The following PRDM4 variants were observed in gnomAD, a reference collection of about 807,000 sequenced individuals.
PRDM4 encodes the protein PR/SET domain 4, also known as PR domain zinc finger protein 4.
In PRDM4, 38 loss-of-function variants were observed where a neutral mutation model predicts 62.3. That is an observed-to-expected ratio of 0.61 (90% confidence interval 0.47 to 0.80). PRDM4 has a LOEUF of 0.80. Among genes scored for constraint, PRDM4 ranks in the 30% least tolerant of loss-of-function variants. The pLI is 0.00. For missense variants in PRDM4, 858 were observed against 997.1 expected, an observed-to-expected ratio of 0.86 and a Z score of 1.88; for synonymous variants, 339 against 348.2, an observed-to-expected ratio of 0.97 and a Z score of 0.30.
intron 2 of PRDM4, among the ~76,000 whole-genome samples, 192 bp downstream of exon 2, chr12:107,760,313 T>C (rs892205460): frequency 1.3e-5 from 2 of 152,250 alleles, no homozygotes; most frequent in South Asian, 2.1e-4. Flanking sequence ...TGGGAACAAC[T>C]TTCCACATGT....
intron 11 of PRDM4, among the ~76,000 whole-genome samples, chr12:107,736,390 A>G (rs1405064823): frequency 6.6e-6 from 1 of 152,228 alleles, no homozygotes; most frequent in Non-Finnish European, 1.5e-5. Flanking sequence ...AATGGAGGGA[A>G]GAAGACATGC....
chr12:107,742,481 A>G lies in PRDM4; in HGVS notation c.1482-133T>C, dbSNP rs1029710644. On this transcript the variant is annotated intron_variant, in intron 8 of 11. Coordinates refer to ENST00000228437, the MANE Select transcript of PRDM4 (RefSeq NM_012406.4). Reference sequence around the variant, plus strand: ...ACTATTTCCTCTGGAATGTTTTTGTAATTTCCCGTCCTATCTATGAGAAGG... The same window carrying G: ...ACTATTTCCTCTGGAATGTTTTTGTGATTTCCCGTCCTATCTATGAGAAGG... 3.6e-5 allele frequency: 38 copies of G among 1,063,144 alleles called. 1 individual carries two copies. In the African/African-American group the frequency reaches 5.1e-4, roughly 14 times the overall value. 65.9% of individuals were successfully genotyped at this position (1,063,144 alleles called of 1,614,324 possible). A position where few individuals can be genotyped will look rare whatever the true frequency, so the allele number is the denominator to read the frequency against.
Position 107,734,652 on chromosome 12 carries a change from G to GAT in PRDM4, c.2094-132_2094-131dup, listed in dbSNP as rs1364904370. The GAT allele has an allele frequency of 5.4e-5, 44 of 819,358 alleles. No homozygotes were observed. In the East Asian group the frequency reaches 1.1e-3, roughly 20 times the overall value. 50.8% of individuals were successfully genotyped at this position (819,358 alleles called of 1,614,324 possible). ...TTCTGAATCAGGCTTTTGCATAGGT[G>GAT]ATATACAGAAGACTCATAAAACATG... On this transcript the variant is annotated intron_variant, in intron 11 of 11. Coordinates refer to ENST00000228437, the MANE Select transcript of PRDM4 (RefSeq NM_012406.4).
At chr12:107,760,224 G>A (rs1891195480) in intron 2 of PRDM4, among the ~76,000 whole-genome samples, 1 of 152,108 alleles carries the variant, frequency 6.6e-6, no homozygotes, top group African/African-American at 2.4e-5. Flanking sequence ...GTTGGAATCC[G>A]GAAAAATATA....
At chr12:107,739,343 A>G (rs1415199012) in intron 11 of PRDM4, 40 bp downstream of exon 11, 1 of 1,596,020 alleles carries the variant, frequency 6.3e-7, no homozygotes, top group Non-Finnish European at 8.5e-7. Context: ...ACAAAGGCTC[A>G]CCACCTGAGG....
intron 5 of PRDM4, among the ~76,000 whole-genome samples, chr12:107,747,151 A>G (rs1593169307): frequency 6.6e-6 from 1 of 152,070 alleles, no homozygotes; most frequent in Non-Finnish European, 1.5e-5. Context: ...TAAAAGAAAA[A>G]AATAGCACCA....
In PRDM4 at chr12:107,733,758, T is replaced by A. The variant is rs923562990; in HGVS notation, c.*452A>T. On this transcript the variant is annotated 3_prime_UTR_variant, in exon 12 of 12. Coordinates refer to ENST00000228437, the MANE Select transcript of PRDM4 (RefSeq NM_012406.4). The stretch of plus-strand genomic sequence containing the variant: ...GTGTCCCAATCCATTCTGTGGTGAG[T>A]ATAAGTCACAAGAGTCTGCATAAAA... 2 of 166,962 alleles carry A rather than the reference T, an allele frequency of 1.2e-5. No homozygotes were observed. Among genetic ancestry groups the A allele is most frequent in the African/African-American group, 4.8e-5 (2 of 41,568 alleles). 10.3% of individuals were successfully genotyped at this position (166,962 alleles called of 1,614,324 possible).
In PRDM4 at chr12:107,746,395, A is replaced by C. The variant is rs1380096871; in HGVS notation, c.1156T>G (p.Ser386Ala). 1 of 1,611,980 alleles carries C rather than the reference A, an allele frequency of 6.2e-7. No homozygotes were observed. Among genetic ancestry groups the C allele is most frequent in the African/African-American group, 1.3e-5 (1 of 74,830 alleles). Reference protein sequence around the residue: ...WCTLCDRAYPSDCPEHGPVTF... With the variant: ...WCTLCDRAYPADCPEHGPVTF... ...ACTGGTCCATGTTCGGGACAGTCCG[A>C]GGGATAGGCGCGGTCACACAGAGTA... is the stretch of plus-strand genomic sequence containing the variant. Residue 386 changes from serine to alanine, a missense_variant, in exon 6 of 12, where the codon TCG becomes GCG. Around this residue, in one of 3 missense-constraint regions of PRDM4, gnomAD observed 499 missense variants for 546.7 expected, o/e 0.91. Coordinates refer to ENST00000228437, the MANE Select transcript of PRDM4 (RefSeq NM_012406.4).
In PRDM4 at chr12:107,733,485, C is replaced by T. The variant is rs117408311; in HGVS notation, c.*725G>A. On this transcript the variant is annotated 3_prime_UTR_variant, in exon 12 of 12. Transcript: ENST00000228437. ...ATGTCTAAACCTACAAAGATCTCCA[C>T]GTTACAATAACCAGGTGACTTGCTC... is the stretch of plus-strand genomic sequence containing the variant. 1,450 of 152,324 alleles carry T rather than the reference C, an allele frequency of 9.5e-3. 18 individuals carry two copies. The highest frequency in any genetic ancestry group is 0.014 in the Non-Finnish European group (987 of 68,074). 9.4% of individuals were successfully genotyped at this position (152,324 alleles called of 1,614,324 possible).
At chr12:107,752,579 TAATTA>T (rs1353351292) in intron 4 of PRDM4, among the ~76,000 whole-genome samples, 2 of 151,952 alleles carry the variant, frequency 1.3e-5, no homozygotes, top group African/African-American at 4.8e-5. Context: ...AAATAAAACT[TAATTA>T]AATATAATTT....
Position 107,734,253 on chromosome 12 carries a change from C to T in PRDM4, c.2363G>A (p.Ser788Asn), listed in dbSNP as rs1280896809. The T allele has an allele frequency of 6.8e-6, 11 of 1,614,132 alleles. No homozygotes were observed. Among genetic ancestry groups the T allele is most frequent in the Non-Finnish European group, 8.5e-6 (10 of 1,180,004 alleles). Residue 788 changes from serine to asparagine, a missense_variant, in exon 12 of 12, where the codon AGT becomes AAT. Ser to Asn is a conservative substitution (Grantham distance 46). Coordinates refer to ENST00000228437, the MANE Select transcript of PRDM4 (RefSeq NM_012406.4). The stretch of plus-strand genomic sequence containing the variant: ...AGACTCATCCGCTGAATACACAGCA[C>T]TGTTAATCCTACAGTCTTCTGTCCC... ...SVGTEDCRIN[S>N]AVYSADESLS...
At chr12:107,748,820 A>T (rs1396949597) in intron 5 of PRDM4, among the ~76,000 whole-genome samples, 2 of 152,214 alleles carry the variant, frequency 1.3e-5, no homozygotes, top group Non-Finnish European at 2.9e-5. Context: ...AAATGTATAC[A>T]TAAATTATAT....
At chr12:107,757,102 TTC>T (rs1891088742) in intron 2 of PRDM4, 137 bp from the exon 3 acceptor site, 7 of 777,970 alleles carry the variant, frequency 9.0e-6, no homozygotes, top group East Asian at 5.3e-5. Flanking sequence ...CGCTCAACAA[TTC>T]TCTTAGATAG....
chr12:107,734,175 G>C lies in PRDM4; in HGVS notation c.*35C>G. 6.5e-7 allele frequency: 1 copy of C among 1,547,672 alleles called. No individual in the cohort carries two copies. The highest frequency in any genetic ancestry group is 1.2e-5 in the South Asian group (1 of 80,914). On this transcript the variant is annotated 3_prime_UTR_variant, in exon 12 of 12. Coordinates refer to ENST00000228437, the MANE Select transcript of PRDM4 (RefSeq NM_012406.4). ...ACTGGTTATGTGTATTTTTCCATTT[G>C]CATTTTCATCCAAAATTGCTTGTTT...
rs886442481 is a variant in PRDM4, at chr12:107,758,840, C to T, written c.11+1665G>A. Among the ~76,000 whole-genome samples, 3 of 152,162 alleles carry T rather than the reference C, an allele frequency of 2.0e-5. No individual in the cohort carries two copies. In the East Asian group the frequency reaches 5.8e-4, roughly 29 times the overall value. Reference sequence around the variant, plus strand: ...AACCTAGTACCTTGTATAGAACAGACATTCTGAATTTTCTTATTTTATCGG... The same window carrying T: ...AACCTAGTACCTTGTATAGAACAGATATTCTGAATTTTCTTATTTTATCGG... On this transcript the variant is annotated intron_variant, in intron 2 of 11. Coordinates refer to ENST00000228437, the MANE Select transcript of PRDM4 (RefSeq NM_012406.4).
rs1385753259 is a variant in PRDM4, at chr12:107,743,261, C to A, written c.1417G>T (p.Glu473Ter). 1 of 1,612,918 alleles carries A rather than the reference C, an allele frequency of 6.2e-7. No individual in the cohort carries two copies. Among genetic ancestry groups the A allele is most frequent in the Admixed American group, 1.7e-5 (1 of 60,016 alleles). Residue 473 changes from glutamate (E) to a stop codon, truncating the protein, a stop_gained, in exon 8 of 12, where the codon GAA (glutamate) becomes TAA (stop). Transcript: ENST00000228437. LOFTEE classifies it high-confidence loss of function. ...IWKIYHNGVLEFCIITTDENE... is the reference protein window; with the variant it reads ...IWKIYHNGVL ...TCATCAGTTGTAATGATGCAGAATTCTAGGACACCATTGTGGTATATCTGC... is the reference window on the plus strand; with the variant it reads ...TCATCAGTTGTAATGATGCAGAATTATAGGACACCATTGTGGTATATCTGC...
At chr12:107,747,606 TTAC>T (rs1890750364) in intron 5 of PRDM4, among the ~76,000 whole-genome samples, 1 of 152,220 alleles carries the variant, frequency 6.6e-6, no homozygotes, top group Non-Finnish European at 1.5e-5. Flanking sequence ...TTCTCTATTC[TTAC>T]TACAACTTCA....
rs140267437 is a variant in PRDM4, at chr12:107,744,706, G to T, written c.1277-45C>A. ...AACTACACAATCAATGATTTAAACA[G>T]CAAGATACAGAAGAAAGAGGTGCTT... is the stretch of plus-strand genomic sequence containing the variant. On this transcript the variant is annotated intron_variant, in intron 6 of 11. Coordinates refer to ENST00000228437, the MANE Select transcript of PRDM4 (RefSeq NM_012406.4). 1.8e-5 allele frequency: 29 copies of T among 1,603,420 alleles called. No homozygotes were observed. The African/African-American group carries it at 2.8e-4, about 16-fold the overall frequency.
At position 107,752,057 on chromosome 12, in the gene PRDM4, T is replaced by C. The variant is rs779142493; in HGVS notation, c.484A>G (p.Ile162Val). The part of the protein sequence containing the change: ...SNGNVGLEPG[I>V]VSIDSRSVNT... ...ACAGAGCGAGAGTCTATTGAAACAATGCCTGGTTCTAATCCAACATTTCCA... is the reference window on the plus strand; with the variant it reads ...ACAGAGCGAGAGTCTATTGAAACAACGCCTGGTTCTAATCCAACATTTCCA... Residue 162 changes from isoleucine to valine, a missense_variant, in exon 5 of 12, where the codon ATT (isoleucine) becomes GTT (valine). By Grantham distance (29) the Ile-to-Val change is conservative. Transcript: ENST00000228437. 5 of 1,613,978 alleles carry C rather than the reference T, an allele frequency of 3.1e-6. No individual in the cohort carries two copies. In the African/African-American group the frequency reaches 6.7e-5, roughly 22 times the overall value.
Sources: allele counts gnomAD v4.1 joint callset (sites outside exome capture counted in the v4.1 genomes callset), GRCh38; gene constraint gnomAD v4.1.1; regional missense constraint gnomAD v4.1.1; transcripts MANE v1.5; gene names NCBI Gene and HGNC (gene_info 2026-07-23, HGNC 2026-07-21).